Variants in SOX5 observed in about 807,000 individuals in gnomAD.
SOX5 encodes the protein SRY-box transcription factor 5, also known as transcription factor SOX-5.
A neutral mutation model predicts 92.0 loss-of-function variants in SOX5; 9 were observed. The ratio of observed to expected loss-of-function variants is 0.10; its 90% CI spans 0.06 to 0.17. SOX5 has a LOEUF of 0.17. Ranked by LOEUF, SOX5 falls within the 10% of genes least tolerant of loss-of-function variation. The pLI, the probability that SOX5 is intolerant of heterozygous loss-of-function variation, is 1.00. For synonymous variants in SOX5, 344 were observed against 336.3 expected (o/e 1.02, Z -0.25); for missense variants, 642 against 944.5 (o/e 0.68, Z 4.20).
chr12:23,994,870 C>A (rs552184070), intron 4 of SOX5, among the ~76,000 whole-genome samples: 1 of 152,274 alleles, frequency 6.6e-6, no homozygotes, highest in African/African-American at 2.4e-5. Flanking sequence ...CAAGCTGTTA[C>A]TGTATTCCTC....
chr12:23,676,619 T>C (rs1425877825), intron 6 of SOX5, among the ~76,000 whole-genome samples: 1 of 152,216 alleles, frequency 6.6e-6, no homozygotes, highest in African/African-American at 2.4e-5. Flanking sequence ...GGGCAGAGAC[T>C]GCAAGTTTCA....
At chr12:24,386,689 T>A (rs1319196969) in intron 1 of SOX5, among the ~76,000 whole-genome samples, 2 of 152,172 alleles carry the variant, frequency 1.3e-5, no homozygotes, top group East Asian at 3.8e-4. Flanking sequence ...ATACAGTATA[T>A]CAACAATCTA....
At chr12:24,326,631 C>T (rs1376324490) in intron 2 of SOX5, among the ~76,000 whole-genome samples, 2 of 152,148 alleles carry the variant, frequency 1.3e-5, no homozygotes, top group Admixed American at 6.5e-5. Context: ...TGACCTCTAC[C>T]TTGAATGTTC....
chr12:24,172,263 G>T (rs935853888), intron 4 of SOX5, among the ~76,000 whole-genome samples: 3 of 152,046 alleles, frequency 2.0e-5, no homozygotes, highest in Admixed American at 6.6e-5. Flanking sequence ...TGGGCCGGGC[G>T]CAGTGAGTCA....
chr12:24,129,030 T>A (rs1949388325), intron 4 of SOX5, among the ~76,000 whole-genome samples: 2 of 152,222 alleles, frequency 1.3e-5, no homozygotes, highest in African/African-American at 4.8e-5. Flanking sequence ...TATGCACATT[T>A]ACAAGGACAT....
intron 4 of SOX5, among the ~76,000 whole-genome samples, chr12:24,132,658 T>A (rs931190512): frequency 3.3e-5 from 5 of 152,160 alleles, no homozygotes; most frequent in Admixed American, 1.3e-4. Flanking sequence ...AGAGAATTTT[T>A]AAAATTCCTT....
chr12:23,655,583 G>C (rs1471200188), intron 7 of SOX5, among the ~76,000 whole-genome samples: 1 of 152,084 alleles, frequency 6.6e-6, no homozygotes, highest in Non-Finnish European at 1.5e-5. Flanking sequence ...CATTTAATTT[G>C]CTGACTCCCT....
intron 1 of SOX5, among the ~76,000 whole-genome samples, chr12:23,917,532 G>C (rs1366701304): frequency 6.6e-6 from 1 of 152,042 alleles, no homozygotes; most frequent in Admixed American, 6.6e-5. Flanking sequence ...CAGCCTGGGT[G>C]AAAGAATGAG....
intron 3 of SOX5, among the ~76,000 whole-genome samples, chr12:24,235,476 C>G (rs1042309725): frequency 4.4e-4 from 67 of 152,116 alleles, no homozygotes; most frequent in African/African-American, 1.6e-3. Flanking sequence ...ACTCATAAAA[C>G]AAAATAATAG....
intron 8 of SOX5, among the ~76,000 whole-genome samples, chr12:23,617,659 G>A (rs537003656): frequency 6.6e-6 from 1 of 152,142 alleles, no homozygotes; most frequent in African/African-American, 2.4e-5. Context: ...TTTTTCACAG[G>A]TATGATGCTC....
chr12:23,770,052 T>C (rs1021183679), intron 3 of SOX5, among the ~76,000 whole-genome samples: 11 of 148,880 alleles, frequency 7.4e-5, no homozygotes, highest in African/African-American at 2.7e-4. Context: ...CCCTCTGTTT[T>C]TTTTTTTTTT....
chr12:24,144,585 C>A (rs577685810), intron 4 of SOX5, among the ~76,000 whole-genome samples: 1 of 152,098 alleles, frequency 6.6e-6, no homozygotes, highest in East Asian at 1.9e-4. Context: ...GCAGGAGGAT[C>A]GCTTGACACC....
At chr12:23,984,772 T>C (rs909320937) in intron 4 of SOX5, among the ~76,000 whole-genome samples, 3 of 152,184 alleles carry the variant, frequency 2.0e-5, no homozygotes, top group African/African-American at 7.2e-5. Flanking sequence ...AATGCTTAAG[T>C]TTGACTTTGC....
At chr12:24,306,450 G>A (rs1003370917) in intron 2 of SOX5, among the ~76,000 whole-genome samples, 2 of 152,216 alleles carry the variant, frequency 1.3e-5, no homozygotes, top group Admixed American at 6.5e-5. Flanking sequence ...AGCAGAGAGC[G>A]CTCTGGCCAC....
intron 4 of SOX5, among the ~76,000 whole-genome samples, chr12:23,996,872 T>C (rs2136317474): frequency 6.6e-6 from 1 of 152,262 alleles, no homozygotes; most frequent in East Asian, 1.9e-4. Context: ...TCTTTTGAGG[T>C]GATGAAACTA....
chr12:23,843,234 C>A (rs1700025040), intron 3 of SOX5, among the ~76,000 whole-genome samples: 1 of 152,038 alleles, frequency 6.6e-6, no homozygotes, highest in Admixed American at 6.6e-5. Context: ...GACATGACAA[C>A]TAAATATAAT....
intron 2 of SOX5, among the ~76,000 whole-genome samples, chr12:24,327,619 T>C (rs1950860582): frequency 6.6e-6 from 1 of 151,810 alleles, no homozygotes; most frequent in South Asian, 2.1e-4. Context: ...AGTCTCGCTC[T>C]GTCCCCCAGG....
chr12:23,842,348 A>G, intron 3 of SOX5, among the ~76,000 whole-genome samples: 1 of 152,172 alleles, frequency 6.6e-6, no homozygotes. Context: ...CATGCAAAAA[A>G]GGATTCCAGT....
intron 4 of SOX5, among the ~76,000 whole-genome samples, chr12:23,999,729 C>T (rs1179760033): frequency 6.6e-6 from 1 of 151,752 alleles, no homozygotes; most frequent in Non-Finnish European, 1.5e-5. Context: ...AATCAAAGTG[C>T]TACAGAAAAA....
Sources: allele counts gnomAD v4.1 joint callset (sites outside exome capture counted in the v4.1 genomes callset), GRCh38; gene constraint gnomAD v4.1.1; transcripts MANE v1.5; gene names NCBI Gene and HGNC (gene_info 2026-07-23, HGNC 2026-07-21).